Variants in MBD2 observed in about 807,000 individuals in gnomAD.
MBD2 encodes the protein methyl-CpG binding domain protein 2.
MBD2 carries 9 observed loss-of-function variants against 39.3 expected under a neutral mutation model. That is an observed-to-expected ratio of 0.23 (90% CI 0.14 to 0.40). The LOEUF is 0.40. MBD2 is among the 10% of genes least tolerant of loss of function. MBD2 has a pLI of 1.00. For synonymous variants in MBD2, 233 were observed against 211.1 expected, an observed-to-expected ratio of 1.10 and a Z score of -0.90; for missense variants, 458 against 532.6, an observed-to-expected ratio of 0.86 and a Z score of 1.38.
In MBD2 at chr18:54,159,789, TC is replaced by T; in HGVS notation, c.1223del (p.Gly408GlufsTer10). ...CCTGATCATATTCTTAGGCTTCATCTCCACTGTCCATTTCAATATCCATCTC... is the reference window on the plus strand; with the variant it reads ...CCTGATCATATTCTTAGGCTTCATCTCACTGTCCATTTCAATATCCATCTC... ...TEEMDIEMDS[G>X]DEA is the part of the protein sequence containing the mutation. On this transcript the variant is annotated frameshift_variant, in exon 6 of 7. Coordinates refer to ENST00000256429, the MANE Select transcript of MBD2 (RefSeq NM_003927.5). 6.2e-7 allele frequency: 1 copy of T among 1,610,762 alleles called. No homozygotes were observed. Among genetic ancestry groups the T allele is most frequent in the Non-Finnish European group, 8.5e-7 (1 of 1,179,940 alleles).
rs1284573684 is a variant in MBD2 at position 54,188,869 on chromosome 18, C to T, written c.840+5G>A. On this transcript the variant is annotated splice_donor_5th_base_variant and intron_variant, in intron 3 of 6. Coordinates refer to ENST00000256429, the MANE Select transcript of MBD2 (RefSeq NM_003927.5). ...ATAAGATTGGAGAACGAATTAGATCCTTACCTGACGTGGCTGTTCATTCAT... is the reference window on the plus strand; with the variant it reads ...ATAAGATTGGAGAACGAATTAGATCTTTACCTGACGTGGCTGTTCATTCAT... The T allele has an allele frequency of 1.2e-6, 2 of 1,604,334 alleles. No individual in the cohort carries two copies. The highest frequency in any genetic ancestry group is 8.5e-7 in the Non-Finnish European group (1 of 1,174,402).
At chr18:54,223,983 A>AGTCCC in intron 1 of MBD2, 35 bp downstream of exon 1, 2 of 745,316 alleles carry the variant, frequency 2.7e-6, no homozygotes, top group Non-Finnish European at 4.5e-6. Context: ...CCCCGGCCTG[A>AGTCCC]CCCCGCCACC....
chr18:54,173,339 T>C (rs2086191035), intron 3 of MBD2, among the ~76,000 whole-genome samples: 1 of 152,150 alleles, frequency 6.6e-6, no homozygotes, highest in African/African-American at 2.4e-5. Context: ...TTCAAGGGTA[T>C]GGCAGCAGAG....
intron 1 of MBD2, among the ~76,000 whole-genome samples, chr18:54,216,479 A>C (rs2086562825): frequency 6.6e-6 from 1 of 152,240 alleles, no homozygotes; most frequent in Non-Finnish European, 1.5e-5. Flanking sequence ...GAAGATTCAA[A>C]AATGAATCAG....
At position 54,224,299 on chromosome 18, in the gene MBD2, TCCCCGTCCCCGGCCACGG is replaced by T; in HGVS notation, c.243_260del (p.Gly91_Arg96del). On this transcript the variant is annotated inframe_deletion, in exon 1 of 7. Coordinates refer to ENST00000256429, the MANE Select transcript of MBD2 (RefSeq NM_003927.5). ...GGCCGCGGCCCCGGCCCCGGCCCCG[TCCCCGTCCCCGGCCACGG>T]CCCCGGCCCCGGCCACGGCCACAGA... 16 of 931,464 alleles carry T rather than the reference TCCCCGTCCCCGGCCACGG, an allele frequency of 1.7e-5. No homozygotes were observed. The highest frequency in any genetic ancestry group is 1.9e-5 in the Non-Finnish European group (15 of 786,408). The allele number at this position is 931,464 out of a possible 1,614,324, so 57.7% of individuals were successfully genotyped here.
chr18:54,179,912 T>C (rs2086238147), intron 3 of MBD2, among the ~76,000 whole-genome samples: 1 of 135,994 alleles, frequency 7.4e-6, no homozygotes, highest in African/African-American at 2.8e-5. Flanking sequence ...AAATCAAAGG[T>C]TTAAATATTG....
In MBD2 at chr18:54,200,805, C is replaced by T. The variant is rs763832584; in HGVS notation, c.702+4193G>A. Among the ~76,000 whole-genome samples, 6 of 152,058 alleles carry T rather than the reference C, an allele frequency of 3.9e-5. No individual in the cohort carries two copies. In the East Asian group the frequency reaches 9.6e-4, roughly 24 times the overall value. On this transcript the variant is annotated intron_variant, in intron 2 of 6. Transcript: ENST00000256429. The stretch of plus-strand genomic sequence containing the variant: ...AGTAAAACTAAAAATTGAGGCCGAG[C>T]GCGGTGGCTCACGTCTGTAATCCCA...
At chr18:54,211,259 T>C (rs2086503809) in intron 1 of MBD2, among the ~76,000 whole-genome samples, 4 of 152,110 alleles carry the variant, frequency 2.6e-5, no homozygotes, top group African/African-American at 7.2e-5. Flanking sequence ...TCCCTAACTT[T>C]AAATAACAAT....
intron 1 of MBD2, among the ~76,000 whole-genome samples, chr18:54,219,780 A>G (rs1328401743): frequency 1.3e-5 from 2 of 152,112 alleles, no homozygotes; most frequent in Non-Finnish European, 2.9e-5. Flanking sequence ...ACTAGTCTTT[A>G]GCAACAAATG....
chr18:54,169,203 A>G (rs1289264817), intron 3 of MBD2, among the ~76,000 whole-genome samples: 1 of 152,210 alleles, frequency 6.6e-6, no homozygotes, highest in Admixed American at 6.5e-5. Context: ...TCCAGCTTAT[A>G]TAATGACCAT....
rs1002889618 is a variant in MBD2, at chr18:54,152,862, G to T, written c.*2462C>A. ...TTCCTATTTCACTGAGGAGGGACAG[G>T]CTCAAAGAGATTAAATAACCTGACA... On this transcript the variant is annotated 3_prime_UTR_variant, in exon 7 of 7. Transcript: ENST00000256429. The T allele has an allele frequency of 1.3e-5, 2 of 152,222 alleles. No homozygotes were observed. The highest frequency in any genetic ancestry group is 2.9e-5 in the Non-Finnish European group (2 of 68,062). 9.4% of individuals were successfully genotyped at this position (152,222 alleles called of 1,614,324 possible).
chr18:54,194,065 T>C (rs143902377), intron 2 of MBD2, among the ~76,000 whole-genome samples: 254 of 152,210 alleles, frequency 1.7e-3, no homozygotes, highest in African/African-American at 5.8e-3. Context: ...ATGAAGAACA[T>C]GTATCATAAG....
intron 2 of MBD2, chr18:54,202,801 CAAA>C: frequency 6.5e-7 from 1 of 1,545,302 alleles, no homozygotes; most frequent in Non-Finnish European, 8.7e-7. Context: ...TGTGCAAAAG[CAAA>C]AAAAGACATG....
chr18:54,205,463 C>G (rs192809827), intron 1 of MBD2, among the ~76,000 whole-genome samples: 1 of 151,600 alleles, frequency 6.6e-6, no homozygotes, highest in Non-Finnish European at 1.5e-5. Flanking sequence ...TGGTGGTGGG[C>G]GCCTGTAATC....
chr18:54,224,159 G>A lies in MBD2; in HGVS notation c.401C>T (p.Ala134Val), dbSNP rs1458063510. ...CCGGGGTCCCCTGGGCCCCGGCCCC[G>A]CGCTCCCCGACGGGAAAGGGACCGG... ...REPVPFPSGS[A>V]GPGPRGPRAT... Residue 134 changes from alanine to valine, a missense_variant, in exon 1 of 7, where the codon GCG (alanine) becomes GTG (valine). By Grantham distance (64) the Ala-to-Val change is moderately conservative. This residue lies in a region of MBD2 where 269 missense variants were observed against 236.0 expected (regional missense o/e 1.14). Coordinates refer to ENST00000256429, the MANE Select transcript of MBD2 (RefSeq NM_003927.5). The A allele has an allele frequency of 6.9e-7, 1 of 1,444,190 alleles. No individual in the cohort carries two copies. The highest frequency in any genetic ancestry group is 1.4e-5 in the South Asian group (1 of 71,776). The allele number at this position is 1,444,190 out of a possible 1,614,324, so 89.5% of individuals were successfully genotyped here.
chr18:54,218,740 A>T (rs2086583527), intron 1 of MBD2, among the ~76,000 whole-genome samples: 1 of 152,166 alleles, frequency 6.6e-6, no homozygotes, highest in African/African-American at 2.4e-5. Context: ...AGGCAGGTGG[A>T]TCTCAAGGTC....
chr18:54,172,328 A>G (rs371543889), intron 3 of MBD2, among the ~76,000 whole-genome samples: 1 of 152,256 alleles, frequency 6.6e-6, no homozygotes, highest in Non-Finnish European at 1.5e-5. Flanking sequence ...TATCAATCAC[A>G]TAGAACATGA....
At chr18:54,210,866 ATTTTTTTTTT>A (rs74180457) in intron 1 of MBD2, among the ~76,000 whole-genome samples, 1 of 99,348 alleles carries the variant, frequency 1.0e-5, no homozygotes, top group Admixed American at 1.2e-4. Flanking sequence ...TCAACTTTCT[ATTTTTTTTTT>A]TTTTTTTTTT....
Position 54,224,224 on chromosome 18 carries a change from G to C in MBD2, c.336C>G (p.Gly112=). 9.5e-7 allele frequency: 1 copy of C among 1,050,028 alleles called. No individual in the cohort carries two copies. Among genetic ancestry groups the C allele is most frequent in the African/African-American group, 1.7e-5 (1 of 57,516 alleles). 65.0% of individuals were successfully genotyped at this position (1,050,028 alleles called of 1,614,324 possible). Residue 112 remains glycine, a synonymous_variant, in exon 1 of 7, where the codon GGC becomes GGG. Coordinates refer to ENST00000256429, the MANE Select transcript of MBD2 (RefSeq NM_003927.5). ...CGCCGCCGCCACCGCTGCCGCCGCC[G>C]CCGCAGCCGCCGCCGTCGCCGCCAA... ...SGLGGDGGGC[G]GGGSGGGGAP...
Sources: allele counts gnomAD v4.1 joint callset (sites outside exome capture counted in the v4.1 genomes callset), GRCh38; gene constraint gnomAD v4.1.1; regional missense constraint gnomAD v4.1.1; transcripts MANE v1.5; gene names NCBI Gene and HGNC (gene_info 2026-07-23, HGNC 2026-07-21).